The following PTPRN2 variants were observed in gnomAD, a reference collection of about 807,000 sequenced individuals.
PTPRN2 encodes receptor-type tyrosine-protein phosphatase N2.
Under a neutral mutation model 118.8 loss-of-function variants are expected in PTPRN2, and 74 were observed. The ratio of observed to expected loss-of-function variants is 0.62; its 90% CI spans 0.52 to 0.76. The LOEUF (loss-of-function observed/expected upper bound fraction) is 0.76, where lower values mean the gene tolerates loss of function less well. Among genes scored for constraint, PTPRN2 ranks in the 30% least tolerant of loss-of-function variants. The pLI, the probability that PTPRN2 is intolerant of heterozygous loss-of-function variation, is 0.00. For missense variants in PTPRN2, 1,481 were observed against 1,394.4 expected, an observed-to-expected ratio of 1.06 and a Z score of -0.99; for synonymous variants, 641 against 608.0, an observed-to-expected ratio of 1.05 and a Z score of -0.80.
At position 158,188,304 on chromosome 7, in the gene PTPRN2, GT is replaced by G. The variant is rs10714354; in HGVS notation, c.549+4022del. Among the ~76,000 whole-genome samples the G allele has an allele frequency of 9.1e-3, 474 of 51,988 alleles. 14 individuals are homozygous for G. Among genetic ancestry groups the G allele is most frequent in the East Asian group, 0.019 (22 of 1,134 alleles). The allele number at this position is 51,988 out of a possible 152,430, so 34.1% of individuals were successfully genotyped here. ...GGGAAGGCCGCCACGCTCGCCCCCT[GT>G]ATGGGGAAGGCCGCCACGCTCGCCC... On this transcript the variant is annotated intron_variant, in intron 5 of 22. Coordinates refer to ENST00000389418, the MANE Select transcript of PTPRN2 (RefSeq NM_002847.5).
At chr7:158,274,483 A>AGAAGCCGCAGGCACAGGG (rs1563074850) in intron 3 of PTPRN2, among the ~76,000 whole-genome samples, 2 of 114,560 alleles carry the variant, frequency 1.7e-5, no homozygotes, top group African/African-American at 3.0e-5. Flanking sequence ...GAGACACACG[A>AGAAGCCGCAGGCACAGGG]GGAGCCGCAG....
intron 1 of PTPRN2, among the ~76,000 whole-genome samples, chr7:158,506,493 C>A (rs1195859694): frequency 2.0e-5 from 3 of 152,092 alleles, no homozygotes; most frequent in Non-Finnish European, 4.4e-5. Context: ...GAGGAACCCA[C>A]CCAGGCCACC....
At chr7:158,005,661 T>G (rs1247471278) in intron 11 of PTPRN2, among the ~76,000 whole-genome samples, 1 of 152,200 alleles carries the variant, frequency 6.6e-6, no homozygotes, top group Non-Finnish European at 1.5e-5. Context: ...AGGAAGCATC[T>G]GCGGTGAGGC....
intron 11 of PTPRN2, among the ~76,000 whole-genome samples, chr7:158,071,748 A>AGGTGCTTG (rs1563393267): frequency 3.7e-5 from 1 of 27,158 alleles, no homozygotes. Flanking sequence ...GGAGGTGCTC[A>AGGTGCTTG]TGGTGGAGGT....
rs1355639239 is a variant in PTPRN2 at position 158,406,266 on chromosome 7, T to C, written c.163+83469A>G. Among the ~76,000 whole-genome samples, 4 of 107,906 alleles carry C rather than the reference T, an allele frequency of 3.7e-5. No individual in the cohort carries two copies. In the South Asian group the frequency reaches 1.1e-3, roughly 28 times the overall value. The allele number at this position is 107,906 out of a possible 152,430, so 70.8% of individuals were successfully genotyped here. On this transcript the variant is annotated intron_variant, in intron 2 of 22. Transcript: ENST00000389418. ...TCCCGGTGGCTCATCCGTGAGACAT[T>C]TGGCTGCACACTGAGATCCCGGTGG...
intron 5 of PTPRN2, among the ~76,000 whole-genome samples, chr7:158,175,365 A>T (rs1386216733): frequency 6.6e-6 from 1 of 152,090 alleles, no homozygotes; most frequent in African/African-American, 2.4e-5. Flanking sequence ...CGGCTCGTGA[A>T]TGTGGGGTTG....
chr7:158,437,606 A>G (rs1816659161), intron 2 of PTPRN2, among the ~76,000 whole-genome samples: 1 of 152,238 alleles, frequency 6.6e-6, no homozygotes, highest in Admixed American at 6.5e-5. Flanking sequence ...TGGAAGGCTC[A>G]GTCACCTGGG....
intron 12 of PTPRN2, among the ~76,000 whole-genome samples, chr7:157,802,963 T>TTTA (rs1006560000): frequency 3.9e-5 from 6 of 152,280 alleles, no homozygotes; most frequent in African/African-American, 1.4e-4. Flanking sequence ...TACATTTTAT[T>TTTA]TTATTATTAT....
chr7:158,273,157 G>A (rs978331104), intron 3 of PTPRN2, among the ~76,000 whole-genome samples: 24 of 152,124 alleles, frequency 1.6e-4, no homozygotes, highest in African/African-American at 3.9e-4. Context: ...AGTGCCCTTC[G>A]GGAGTGAGCT....
At position 158,330,911 on chromosome 7, in the gene PTPRN2, T is replaced by C. The variant is rs1365555688; in HGVS notation, c.164-13979A>G. On this transcript the variant is annotated intron_variant, in intron 2 of 22. Coordinates refer to ENST00000389418, the MANE Select transcript of PTPRN2 (RefSeq NM_002847.5). Reference sequence around the variant, plus strand: ...AACTCTCACCATAAGAGCTGACACCTGCAGACGTCACTCACACCCACACTC... The same window carrying C: ...AACTCTCACCATAAGAGCTGACACCCGCAGACGTCACTCACACCCACACTC... Among the ~76,000 whole-genome samples, 69 of 48,110 alleles carry C rather than the reference T, an allele frequency of 1.4e-3. 1 individual carries two copies. Among genetic ancestry groups the C allele is most frequent in the African/African-American group, 2.3e-3 (35 of 15,084 alleles). 31.6% of individuals were successfully genotyped at this position (48,110 alleles called of 152,430 possible). A position where few individuals can be genotyped will look rare whatever the true frequency, so the allele number is the denominator to read the frequency against.
chr7:157,692,181 C>A (rs1190651001), intron 12 of PTPRN2, among the ~76,000 whole-genome samples: 1 of 152,086 alleles, frequency 6.6e-6, no homozygotes, highest in African/African-American at 2.4e-5. Flanking sequence ...GTTCCCTGCG[C>A]CCGGGACAGC....
intron 11 of PTPRN2, among the ~76,000 whole-genome samples, chr7:158,017,437 C>T (rs1415445297): frequency 6.6e-6 from 1 of 152,050 alleles, no homozygotes; most frequent in African/African-American, 2.4e-5. Flanking sequence ...TGCTTGGGGG[C>T]AGAGAGGGGT....
rs538504653 is a variant in PTPRN2, at chr7:157,707,665, C to A, written c.1789-24728G>T. Reference sequence around the variant, plus strand: ...GTGACACGATCTCTGCTCACTGCAACCTCCGCCTCCTGGGTTCAAGTGATT... The same window carrying A: ...GTGACACGATCTCTGCTCACTGCAAACTCCGCCTCCTGGGTTCAAGTGATT... On this transcript the variant is annotated intron_variant, in intron 12 of 22. Transcript: ENST00000389418. Among the ~76,000 whole-genome samples the A allele has an allele frequency of 8.0e-4, 122 of 152,090 alleles. 1 individual carries two copies. Among genetic ancestry groups the A allele is most frequent in the Non-Finnish European group, 1.3e-3 (88 of 68,002 alleles).
At chr7:157,757,427 T>G (rs1801853914) in intron 12 of PTPRN2, among the ~76,000 whole-genome samples, 1 of 151,894 alleles carries the variant, frequency 6.6e-6, no homozygotes, top group African/African-American at 2.4e-5. Context: ...GCAGGAGTGC[T>G]GGAGCTCTCG....
intron 12 of PTPRN2, among the ~76,000 whole-genome samples, chr7:157,792,613 A>G (rs190402553): frequency 4.4e-4 from 67 of 152,284 alleles, no homozygotes; most frequent in African/African-American, 1.6e-3. Context: ...GACCTTGGGG[A>G]AGCTGGGTGC....
At chr7:157,941,148 A>C (rs1310708907) in intron 11 of PTPRN2, among the ~76,000 whole-genome samples, 10 of 13,796 alleles carry the variant, frequency 7.2e-4, no homozygotes, top group African/African-American at 8.5e-4. Flanking sequence ...CACCCTCCCC[A>C]CCACGACACT....
At chr7:158,334,720 C>CACTG (rs1285238366) in intron 2 of PTPRN2, among the ~76,000 whole-genome samples, 2 of 39,458 alleles carry the variant, frequency 5.1e-5, no homozygotes. Context: ...CTGCAGACGT[C>CACTG]ACACCCACAC....
chr7:158,446,416 G>C (rs936435358), intron 2 of PTPRN2, among the ~76,000 whole-genome samples: 1 of 152,158 alleles, frequency 6.6e-6, no homozygotes, highest in East Asian at 1.9e-4. Flanking sequence ...GGAGTCTGTC[G>C]TGAGAGCTGG....
chr7:157,915,845 C>T (rs888925612), intron 11 of PTPRN2, among the ~76,000 whole-genome samples: 2 of 152,118 alleles, frequency 1.3e-5, no homozygotes, highest in East Asian at 1.9e-4. Context: ...CTCATATTCT[C>T]GTAGTTTTGT....
Sources: gnomAD v4.1 joint callset for allele counts (sites outside exome capture counted in the v4.1 genomes callset) on GRCh38, gnomAD v4.1.1 for gene constraint, MANE v1.5 for transcripts, NCBI Gene and HGNC (gene_info 2026-07-23, HGNC 2026-07-21) for gene names.